RASSF3: variants seen among roughly 807,000 people sequenced by gnomAD.
RASSF3 encodes the protein ras association domain-containing protein 3.
A neutral mutation model predicts 19.9 loss-of-function variants in RASSF3; 19 were observed. The ratio of observed to expected loss-of-function variants is 0.96; its 90% CI spans 0.67 to 1.40. The LOEUF (loss-of-function observed/expected upper bound fraction) is 1.40. Ranked by LOEUF, RASSF3 falls within the 40% of genes most tolerant of loss-of-function variation. RASSF3 has a pLI of 0.00. For missense variants in RASSF3, 306 were observed against 289.8 expected (o/e 1.06, Z -0.41); for synonymous variants, 110 against 104.2 (o/e 1.06, Z -0.34).
At chr12:64,534,897 GTAGTTGTATTTC>G (rs1354636468) in intron 1 of RASSF3, among the ~76,000 whole-genome samples, 6 of 152,144 alleles carry the variant, frequency 3.9e-5, no homozygotes, top group African/African-American at 1.4e-4. Flanking sequence ...ACACCAGTAA[GTAGTTGTATTTC>G]TAGAATAGCT....
chr12:64,575,942 T>C (rs552991996), intron 2 of RASSF3, among the ~76,000 whole-genome samples: 1 of 150,676 alleles, frequency 6.6e-6, no homozygotes, highest in East Asian at 1.9e-4. Flanking sequence ...CAGGCTAGAG[T>C]GCAATAGCGC....
intron 1 of RASSF3, among the ~76,000 whole-genome samples, chr12:64,615,203 A>T (rs928770161): frequency 6.6e-6 from 1 of 152,240 alleles, no homozygotes; most frequent in Non-Finnish European, 1.5e-5. Context: ...ACCTGTAAAT[A>T]CAGGACACAT....
chr12:64,524,273 A>T (rs575197725), intron 1 of RASSF3, among the ~76,000 whole-genome samples: 42 of 148,350 alleles, frequency 2.8e-4, no homozygotes, highest in Admixed American at 8.1e-4. Flanking sequence ...TTTTTGTAGA[A>T]TCAGGATTTC....
intron 1 of RASSF3, among the ~76,000 whole-genome samples, chr12:64,673,938 G>A (rs1198372221): frequency 2.0e-5 from 3 of 151,892 alleles, no homozygotes; most frequent in Non-Finnish European, 4.4e-5. Context: ...TTGACTGTTG[G>A]CACACTACCC....
At chr12:64,635,790 C>G (rs1216269953) in intron 1 of RASSF3, among the ~76,000 whole-genome samples, 4 of 152,022 alleles carry the variant, frequency 2.6e-5, no homozygotes, top group Admixed American at 1.3e-4. Context: ...TGTGTGGAGC[C>G]TGGGCTGTGA....
intron 2 of RASSF3, among the ~76,000 whole-genome samples, chr12:64,569,171 T>C (rs1221645270): frequency 6.6e-6 from 1 of 152,258 alleles, no homozygotes. Flanking sequence ...GACCCAGACA[T>C]ACAAATGTGT....
chr12:64,673,116 C>T (rs552850214), intron 1 of RASSF3, among the ~76,000 whole-genome samples: 7 of 152,306 alleles, frequency 4.6e-5, no homozygotes, highest in Admixed American at 4.6e-4. Flanking sequence ...ATATGGCAGT[C>T]TTGAGACTTG....
chr12:64,547,220 C>A (rs1480629331), intron 2 of RASSF3, among the ~76,000 whole-genome samples: 2 of 143,010 alleles, frequency 1.4e-5, no homozygotes, highest in Non-Finnish European at 3.0e-5. Flanking sequence ...TGCAGTGAGC[C>A]GAGATCACAC....
chr12:64,672,119 G>T (rs118069463), intron 1 of RASSF3, among the ~76,000 whole-genome samples: 9,717 of 151,982 alleles, frequency 0.064, 376 homozygotes, highest in Non-Finnish European at 0.09. Context: ...AAGATTTTTT[G>T]ATACAGGCAT....
chr12:64,651,909 C>T (rs1413734880), intron 1 of RASSF3, among the ~76,000 whole-genome samples: 2 of 152,144 alleles, frequency 1.3e-5, no homozygotes, highest in East Asian at 3.9e-4. Context: ...AATCCTCCTG[C>T]CTTGGCCTCC....
At chr12:64,507,998 C>T (rs1868302257) in intron 1 of RASSF3, among the ~76,000 whole-genome samples, 1 of 152,086 alleles carries the variant, frequency 6.6e-6, no homozygotes, top group Non-Finnish European at 1.5e-5. Context: ...TCATACTCTG[C>T]AGCACTGGTT....
At chr12:64,541,331 G>A (rs1252130519) in intron 1 of RASSF3, among the ~76,000 whole-genome samples, 4 of 152,116 alleles carry the variant, frequency 2.6e-5, no homozygotes, top group Admixed American at 6.6e-5. Context: ...AAAATGTATC[G>A]TAGCCTAATC....
chr12:64,557,321 G>A (rs1376519050), intron 2 of RASSF3, among the ~76,000 whole-genome samples: 3 of 152,080 alleles, frequency 2.0e-5, no homozygotes, highest in Non-Finnish European at 2.9e-5. Flanking sequence ...GAAGTACCGG[G>A]AAGTGCCCAA....
chr12:64,588,976 C>T (rs571853011), intron 2 of RASSF3, among the ~76,000 whole-genome samples: 229 of 152,246 alleles, frequency 1.5e-3, no homozygotes, highest in African/African-American at 5.3e-3. Flanking sequence ...CACGTGACTT[C>T]TTTTTGTTTC....
chr12:64,669,713 G>A (rs908492670), intron 1 of RASSF3, among the ~76,000 whole-genome samples: 1 of 151,644 alleles, frequency 6.6e-6, no homozygotes, highest in African/African-American at 2.4e-5. Context: ...TTGGGAGTCC[G>A]GCTGGGCCAC....
Position 64,620,014 on chromosome 12 carries a change from C to CTGTGTGTGTGTGTGTGTGTGTGTGTG in RASSF3, c.111+9294_111+9295insGTGTGTGTGTGTGTGTGTGTGTGTGT, listed in dbSNP as rs68044550. ...AAAAAAAGAAATTAGTGCAGGTTGA[C>CTGTGTGTGTGTGTGTGTGTGTGTGTG]TGTGTGTGTGTGTGTGTGTGTGTAG... On this transcript the variant is annotated intron_variant, in intron 1 of 4. Coordinates refer to ENST00000542104, the MANE Select transcript of RASSF3 (RefSeq NM_178169.4). 1.7e-3 allele frequency among the ~76,000 whole-genome samples: 229 copies of CTGTGTGTGTGTGTGTGTGTGTGTGTG among 134,214 alleles called. 2 individuals are homozygous for CTGTGTGTGTGTGTGTGTGTGTGTGTG. Among genetic ancestry groups the CTGTGTGTGTGTGTGTGTGTGTGTGTG allele is most frequent in the African/African-American group, 5.9e-3 (207 of 35,314 alleles). 88.0% of individuals were successfully genotyped at this position (134,214 alleles called of 152,430 possible). A position where few individuals can be genotyped will look rare whatever the true frequency, so the allele number is the denominator to read the frequency against.
intron 2 of RASSF3, among the ~76,000 whole-genome samples, chr12:64,584,540 G>GCTCTATTTCTGAACTA (rs1565843511): frequency 2.0e-5 from 3 of 148,376 alleles, no homozygotes; most frequent in South Asian, 2.1e-4. Flanking sequence ...GAAAGTCAGT[G>GCTCTATTTCTGAACTA]CTCTATTTCT....
At chr12:64,680,904 G>A (rs1461321187) in intron 1 of RASSF3, among the ~76,000 whole-genome samples, 4 of 152,052 alleles carry the variant, frequency 2.6e-5, no homozygotes, top group South Asian at 2.1e-4. Flanking sequence ...GAGCCACCGC[G>A]CCCAGCCAGT....
At chr12:64,613,748 C>G (rs970628555) in intron 1 of RASSF3, among the ~76,000 whole-genome samples, 1 of 151,964 alleles carries the variant, frequency 6.6e-6, no homozygotes, top group Non-Finnish European at 1.5e-5. Context: ...GAGTTTGAGA[C>G]CAGCCTGGAC....
Sources: allele counts gnomAD v4.1 joint callset (sites outside exome capture counted in the v4.1 genomes callset), GRCh38; gene constraint gnomAD v4.1.1; transcripts MANE v1.5; gene names NCBI Gene and HGNC (gene_info 2026-07-23, HGNC 2026-07-21).